Variants in RFWD3 observed in about 807,000 individuals in gnomAD.
The protein encoded by RFWD3 is ring finger and WD repeat domain 3.
A neutral mutation model predicts 87.7 loss-of-function variants in RFWD3; 65 were observed. The ratio of observed to expected loss-of-function variants is 0.74; its 90% CI spans 0.61 to 0.91. The LOEUF is 0.91. Among genes scored for constraint, RFWD3 ranks in the 40% least tolerant of loss-of-function variants. The probability of loss-of-function intolerance (pLI) is 0.00; values close to 1 mark genes in which losing one functional copy is unlikely to be tolerated. For synonymous variants in RFWD3, 433 were observed against 352.8 expected (o/e 1.23, Z -2.55); for missense variants, 1,078 against 938.5 (o/e 1.15, Z -1.94).
chr16:74,662,165 T>C (rs866105234), intron 1 of RFWD3, among the ~76,000 whole-genome samples: 1 of 152,178 alleles, frequency 6.6e-6, no homozygotes, highest in African/African-American at 2.4e-5. Context: ...TTTTGTTATA[T>C]AGATGAAGGC....
At position 74,661,565 on chromosome 16, in the gene RFWD3, A is replaced by G. The variant is rs1353625957; in HGVS notation, c.-2-114T>C. The G allele has an allele frequency of 4.0e-6, 4 of 1,002,692 alleles. No individual in the cohort carries two copies. The East Asian group carries it at 1.0e-4, about 25-fold the overall frequency. 62.1% of individuals were successfully genotyped at this position (1,002,692 alleles called of 1,614,324 possible). On this transcript the variant is annotated intron_variant, in intron 1 of 12. Transcript: ENST00000361070. ...TATGTTTAATATCATTCTTAGCAAG[A>G]CTGAGAAGCTTCAAGAGAAGATTTT...
At position 74,661,086 on chromosome 16, in the gene RFWD3, T is replaced by C. The variant is rs1206772094; in HGVS notation, c.364A>G (p.Asn122Asp). 3.1e-6 allele frequency: 5 copies of C among 1,614,094 alleles called. No homozygotes were observed. In the African/African-American group the frequency reaches 5.3e-5, roughly 17 times the overall value. ...IPASSLHSMT[N>D]FISGLQRLHG... ...AGTCTCTGCAGTCCGCTGATGAAGT[T>C]GGTCATTGAATGCAACGAAGATGCT... Residue 122 changes from asparagine (N) to aspartate (D), a missense_variant, in exon 2 of 13, where the codon AAC becomes GAC. Asn to Asp is a conservative substitution (Grantham distance 23, BLOSUM62 1). Coordinates refer to ENST00000361070, the MANE Select transcript of RFWD3 (RefSeq NM_018124.4).
chr16:74,637,976 G>A lies in RFWD3; in HGVS notation c.1080-6C>T, dbSNP rs191155100. 1.5e-4 allele frequency: 238 copies of A among 1,599,968 alleles called. 2 individuals are homozygous for A. The East Asian group carries it at 5.2e-3, about 35-fold the overall frequency. Reference sequence around the variant, plus strand: ...TCTGTTCCTTCAGTAGGGAACTAGAGGGGGAAAGCCAGCAACAAGTGGGGA... The same window carrying A: ...TCTGTTCCTTCAGTAGGGAACTAGAAGGGGAAAGCCAGCAACAAGTGGGGA... On this transcript the variant is annotated splice_polypyrimidine_tract_variant and splice_region_variant and intron_variant, in intron 6 of 12. Coordinates refer to ENST00000361070, the MANE Select transcript of RFWD3 (RefSeq NM_018124.4).
chr16:74,665,920 ACTC>A (rs960144862), intron 1 of RFWD3, among the ~76,000 whole-genome samples: 9 of 151,648 alleles, frequency 5.9e-5, no homozygotes, highest in Admixed American at 4.6e-4. Flanking sequence ...CTGGTCTCGA[ACTC>A]CTGGCCTCAG....
chr16:74,650,054 T>C (rs1960450780), intron 3 of RFWD3, among the ~76,000 whole-genome samples: 1 of 152,210 alleles, frequency 6.6e-6, no homozygotes, highest in African/African-American at 2.4e-5. Flanking sequence ...CAACCACTAA[T>C]ATTATCTCTG....
chr16:74,627,879 C>G (rs1164010261), intron 11 of RFWD3, among the ~76,000 whole-genome samples: 2 of 152,206 alleles, frequency 1.3e-5, no homozygotes, highest in Non-Finnish European at 2.9e-5. Flanking sequence ...AAGAAAAAAC[C>G]TAGAACACTG....
chr16:74,629,357 T>C (rs899363436), intron 10 of RFWD3, among the ~76,000 whole-genome samples: 2 of 152,230 alleles, frequency 1.3e-5, no homozygotes, highest in Non-Finnish European at 2.9e-5. Flanking sequence ...TTCCTTGCTA[T>C]TTTAAAACTT....
chr16:74,645,995 G>A (rs984050658), intron 4 of RFWD3, among the ~76,000 whole-genome samples: 5 of 151,850 alleles, frequency 3.3e-5, no homozygotes, highest in African/African-American at 1.2e-4. Context: ...CGATCCGTCC[G>A]CCTTGGCCTC....
At chr16:74,647,274 T>C (rs1441824673) in intron 4 of RFWD3, among the ~76,000 whole-genome samples, 3 of 151,948 alleles carry the variant, frequency 2.0e-5, no homozygotes, top group East Asian at 3.9e-4. Context: ...CTGAGGACAA[T>C]GATGTATAGG....
Position 74,644,588 on chromosome 16 carries a change from T to G in RFWD3, c.940A>C (p.Arg314=). 1 of 1,614,198 alleles carries G rather than the reference T, an allele frequency of 6.2e-7. No individual in the cohort carries two copies. Among genetic ancestry groups the G allele is most frequent in the African/African-American group, 1.3e-5 (1 of 75,054 alleles). The change falls in exon 5 of 13, where the codon AGG becomes CGG. Residue 314 remains arginine, a synonymous_variant. Transcript: ENST00000361070. ...ALRCGHLFGY[R]CISTWLKGQV... ...CCTTTAAGCCACGTGGAAATGCACC[T>G]ATACCCAAAGAGATGCCCACAGCGT...
intron 8 of RFWD3, among the ~76,000 whole-genome samples, chr16:74,635,452 G>C (rs1959187572): frequency 6.8e-6 from 1 of 146,508 alleles, no homozygotes; most frequent in Non-Finnish European, 1.5e-5. Context: ...GCGCAAAAGA[G>C]TGAGACTCCA....
intron 6 of RFWD3, among the ~76,000 whole-genome samples, chr16:74,642,775 G>C (rs1226819269): frequency 6.6e-6 from 1 of 152,156 alleles, no homozygotes; most frequent in Non-Finnish European, 1.5e-5. Flanking sequence ...TTACAGGCAT[G>C]AGCCACTACA....
Position 74,622,470 on chromosome 16 carries a change from T to C in RFWD3, c.*1458A>G, listed in dbSNP as rs975194742. ...TGAAACATCTATTTCTACAAAAAAA[T>C]TTAAAAAAGGAAAAAATTATGTCCT... On this transcript the variant is annotated 3_prime_UTR_variant, in exon 13 of 13. Coordinates refer to ENST00000361070, the MANE Select transcript of RFWD3 (RefSeq NM_018124.4). The C allele has an allele frequency of 4.0e-5, 6 of 151,400 alleles. No homozygotes were observed. The highest frequency in any genetic ancestry group is 2.6e-4 in the Admixed American group (4 of 15,186). The allele number at this position is 151,400 out of a possible 1,614,324, so 9.4% of individuals were successfully genotyped here. A position where few individuals can be genotyped will look rare whatever the true frequency, so the allele number is the denominator to read the frequency against.
chr16:74,642,039 A>G (rs1198680958), intron 6 of RFWD3, among the ~76,000 whole-genome samples: 1 of 152,104 alleles, frequency 6.6e-6, no homozygotes, highest in Non-Finnish European at 1.5e-5. Flanking sequence ...TCAAATACAT[A>G]ATAACTCTTG....
chr16:74,633,233 C>T (rs1597416748), intron 8 of RFWD3, among the ~76,000 whole-genome samples: 1 of 142,750 alleles, frequency 7.0e-6, no homozygotes, highest in South Asian at 2.2e-4. Flanking sequence ...GACAAGATTG[C>T]ACCACTACAC....
At chr16:74,626,697 TGAAA>T (rs1958946221) in intron 11 of RFWD3, 143 bp from the exon 12 acceptor site, 1 of 636,620 alleles carries the variant, frequency 1.6e-6, no homozygotes. Flanking sequence ...ACAAAACAAA[TGAAA>T]GAACAATATC....
At position 74,661,464 on chromosome 16, in the gene RFWD3, T is replaced by C. The variant is rs752776205; in HGVS notation, c.-2-13A>G. 32 of 1,574,366 alleles carry C rather than the reference T, an allele frequency of 2.0e-5. No homozygotes were observed. The highest frequency in any genetic ancestry group is 2.5e-5 in the Non-Finnish European group (29 of 1,163,016). Reference sequence around the variant, plus strand: ...TCATGAGCCATCACTAGAGAAACAGTATTTGTAAAAAGTATTAATAAAATA... The same window carrying C: ...TCATGAGCCATCACTAGAGAAACAGCATTTGTAAAAAGTATTAATAAAATA... On this transcript the variant is annotated splice_polypyrimidine_tract_variant and intron_variant, in intron 1 of 12. Coordinates refer to ENST00000361070, the MANE Select transcript of RFWD3 (RefSeq NM_018124.4).
At chr16:74,648,400 C>A in intron 4 of RFWD3, among the ~76,000 whole-genome samples, 1 of 151,490 alleles carries the variant, frequency 6.6e-6, no homozygotes, top group Non-Finnish European at 1.5e-5. Flanking sequence ...GGTGATCCAC[C>A]CGCCTTGGCC....
At chr16:74,635,111 T>C (rs1364644718) in intron 8 of RFWD3, among the ~76,000 whole-genome samples, 2 of 151,898 alleles carry the variant, frequency 1.3e-5, no homozygotes, top group African/African-American at 4.8e-5. Context: ...AAACTCCGTC[T>C]CTTCTAAAAA....
Sources: allele counts gnomAD v4.1 joint callset (sites outside exome capture counted in the v4.1 genomes callset), GRCh38; gene constraint gnomAD v4.1.1; transcripts MANE v1.5; gene names NCBI Gene and HGNC (gene_info 2026-07-23, HGNC 2026-07-21).